PID1: variants seen among roughly 807,000 people sequenced by gnomAD.
PID1 encodes the protein PTB-containing, cubilin and LRP1-interacting protein.
Under a neutral mutation model 19.1 loss-of-function variants are expected in PID1, and 10 were observed. The ratio of observed to expected loss-of-function variants is 0.52; its 90% CI spans 0.32 to 0.89. The LOEUF (loss-of-function observed/expected upper bound fraction) is 0.89, where lower values mean the gene tolerates loss of function less well. Ranked by LOEUF, PID1 falls within the 40% of genes least tolerant of loss-of-function variation. The pLI, the probability that PID1 is intolerant of heterozygous loss-of-function variation, is 0.03. For missense variants in PID1, 248 were observed against 285.3 expected (o/e 0.87, Z 0.94); for synonymous variants, 130 against 116.0 (o/e 1.12, Z -0.78).
intron 2 of PID1, among the ~76,000 whole-genome samples, chr2:229,123,420 A>T (rs1695562362): frequency 6.6e-6 from 1 of 152,178 alleles, no homozygotes; most frequent in Non-Finnish European, 1.5e-5. Flanking sequence ...TCATCTATTT[A>T]TCAGTTGATA....
intron 2 of PID1, among the ~76,000 whole-genome samples, chr2:229,130,799 G>T (rs1280322810): frequency 2.6e-5 from 4 of 152,186 alleles, no homozygotes; most frequent in Admixed American, 2.0e-4. Flanking sequence ...TCCTGGGTCT[G>T]CCAGAAATGA....
At chr2:229,209,455 C>G (rs1294516199) in intron 1 of PID1, among the ~76,000 whole-genome samples, 2 of 152,172 alleles carry the variant, frequency 1.3e-5, no homozygotes, top group Non-Finnish European at 2.9e-5. Flanking sequence ...GCTGTGCCTC[C>G]TCATGCTATC....
At chr2:229,176,514 C>T (rs1409775208) in intron 1 of PID1, among the ~76,000 whole-genome samples, 1 of 152,238 alleles carries the variant, frequency 6.6e-6, no homozygotes, top group African/African-American at 2.4e-5. Flanking sequence ...GCTGATGATA[C>T]TTAAAAATAC....
chr2:229,181,203 T>G (rs1329698878), intron 1 of PID1, among the ~76,000 whole-genome samples: 1 of 152,166 alleles, frequency 6.6e-6, no homozygotes, highest in Non-Finnish European at 1.5e-5. Context: ...GCCTTATTAG[T>G]GAGGAATCCT....
chr2:229,172,568 T>A (rs1690731560), intron 1 of PID1, among the ~76,000 whole-genome samples: 1 of 152,118 alleles, frequency 6.6e-6, no homozygotes, highest in Admixed American at 6.5e-5. Context: ...TATCTCTGTG[T>A]CTTAATTTCC....
At chr2:229,126,321 C>T (rs1559244992) in intron 2 of PID1, among the ~76,000 whole-genome samples, 1 of 151,354 alleles carries the variant, frequency 6.6e-6, no homozygotes, top group African/African-American at 2.4e-5. Flanking sequence ...TTGTGCTACA[C>T]AAAAAAGACA....
intron 2 of PID1, among the ~76,000 whole-genome samples, chr2:229,095,744 G>C (rs1694960478): frequency 6.6e-6 from 1 of 152,080 alleles, no homozygotes; most frequent in Non-Finnish European, 1.5e-5. Context: ...AGACCGATCA[G>C]TCATTCACTG....
chr2:229,219,521 A>G (rs1691919589), intron 1 of PID1, among the ~76,000 whole-genome samples: 1 of 152,206 alleles, frequency 6.6e-6, no homozygotes, highest in South Asian at 2.1e-4. Context: ...ACGACAGTTC[A>G]AGATGAGATT....
At chr2:229,224,411 G>A (rs750049603) in intron 1 of PID1, among the ~76,000 whole-genome samples, 7 of 152,000 alleles carry the variant, frequency 4.6e-5, no homozygotes, top group African/African-American at 7.2e-5. Context: ...AAACAATGTC[G>A]GCTGTTTCCT....
intron 1 of PID1, among the ~76,000 whole-genome samples, chr2:229,226,012 G>A (rs1692069905): frequency 6.6e-6 from 1 of 152,084 alleles, no homozygotes; most frequent in Non-Finnish European, 1.5e-5. Flanking sequence ...CCATAAGAAT[G>A]TCCCATTTAT....
intron 1 of PID1, among the ~76,000 whole-genome samples, chr2:229,248,347 C>T (rs895199743): frequency 2.6e-5 from 4 of 152,134 alleles, no homozygotes; most frequent in East Asian, 1.9e-4. Flanking sequence ...GAATATGATG[C>T]GAGTGAGCCT....
Position 229,181,266 on chromosome 2 carries a change from C to A in PID1, c.31-25302G>T, listed in dbSNP as rs61245342. On this transcript the variant is annotated intron_variant, in intron 1 of 2. Coordinates refer to ENST00000392055, the MANE Select transcript of PID1 (RefSeq NM_001100818.2). ...GATAACAGGATGCTAACAGATGAGGCCCCGAAGGGAGAAAGAGCCCAGGGG... is the reference window on the plus strand; with the variant it reads ...GATAACAGGATGCTAACAGATGAGGACCCGAAGGGAGAAAGAGCCCAGGGG... Among the ~76,000 whole-genome samples the A allele has an allele frequency of 6.1e-3, 929 of 152,172 alleles. 11 individuals carry two copies. Among genetic ancestry groups the A allele is most frequent in the African/African-American group, 0.022 (903 of 41,510 alleles).
intron 2 of PID1, among the ~76,000 whole-genome samples, chr2:229,081,957 G>C (rs1346547297): frequency 1.3e-5 from 2 of 152,226 alleles, no homozygotes; most frequent in Non-Finnish European, 2.9e-5. Context: ...TGGCTTTTCA[G>C]AGAAACTGTT....
chr2:229,117,533 T>G (rs1421678988), intron 2 of PID1, among the ~76,000 whole-genome samples: 1 of 152,234 alleles, frequency 6.6e-6, no homozygotes, highest in Non-Finnish European at 1.5e-5. Flanking sequence ...AGGCCGATAA[T>G]GCTCCTGTCT....
intron 2 of PID1, among the ~76,000 whole-genome samples, chr2:229,123,817 G>C (rs1695571100): frequency 6.6e-6 from 1 of 151,948 alleles, no homozygotes; most frequent in African/African-American, 2.4e-5. Context: ...TATGTTCTTG[G>C]GCAAAATGTC....
At chr2:229,031,214 T>TAAAAAAAAAAAAAAAA (rs1274567780) in intron 2 of PID1, among the ~76,000 whole-genome samples, 3 of 24,974 alleles carry the variant, frequency 1.2e-4, no homozygotes, top group African/African-American at 5.4e-4. Context: ...AGACTCTGTC[T>TAAAAAAAAAAAAAAAA]CAAAAAAAAA....
intron 2 of PID1, among the ~76,000 whole-genome samples, chr2:229,087,447 C>T (rs1183365765): frequency 2.0e-5 from 3 of 152,160 alleles, no homozygotes; most frequent in Non-Finnish European, 4.4e-5. Flanking sequence ...TGACTGGCAG[C>T]CGCATAAGAG....
chr2:229,236,386 G>C (rs1366241509), intron 1 of PID1: 1 of 152,154 alleles, frequency 6.6e-6, no homozygotes, highest in Non-Finnish European at 1.5e-5. Context: ...TTTCCAGATA[G>C]AGTGGTCAGT....
At chr2:229,076,560 C>A (rs1425953653) in intron 2 of PID1, among the ~76,000 whole-genome samples, 1 of 151,976 alleles carries the variant, frequency 6.6e-6, no homozygotes, top group Non-Finnish European at 1.5e-5. Context: ...CACCCCCCAA[C>A]AGGCCCCAGT....
Sources: gnomAD v4.1 joint callset for allele counts (sites outside exome capture counted in the v4.1 genomes callset) on GRCh38, gnomAD v4.1.1 for gene constraint, MANE v1.5 for transcripts, NCBI Gene and HGNC (gene_info 2026-07-23, HGNC 2026-07-21) for gene names.